Variants in SLC22A25 observed in about 807,000 individuals in gnomAD.
SLC22A25 encodes the protein MGI:2442751, MGI:2385316, MGI:3042283, MGI:3645714, MGI:3605624, MGI:2442750.
A neutral mutation model predicts 45.9 loss-of-function variants in SLC22A25; 44 were observed. The observed-to-expected ratio is 0.96, with a 90% CI of 0.75 to 1.23. The LOEUF (loss-of-function observed/expected upper bound fraction) is 1.23. Ranked by LOEUF, SLC22A25 falls within the 50% of genes most tolerant of loss-of-function variation. The pLI is 0.00. For synonymous variants in SLC22A25, 283 were observed against 238.6 expected (o/e 1.19, Z -1.72); for missense variants, 800 against 666.4 (o/e 1.20, Z -2.21).
intron 7 of SLC22A25, among the ~76,000 whole-genome samples, chr11:63,188,283 T>G (rs1424435282): frequency 7.2e-5 from 11 of 152,236 alleles, no homozygotes; most frequent in African/African-American, 2.7e-4. Context: ...GGAGGGTGGA[T>G]GTGTCCAGGA....
chr11:63,168,873 T>C (rs926547237), intron 9 of SLC22A25, among the ~76,000 whole-genome samples: 14 of 151,932 alleles, frequency 9.2e-5, no homozygotes, highest in African/African-American at 3.1e-4. Flanking sequence ...TGTCAGAGTC[T>C]TCAAGATTGA....
At chr11:63,180,867 A>G (rs1288904186) in intron 8 of SLC22A25, 92 bp from the exon 9 acceptor site, 6 of 803,860 alleles carry the variant, frequency 7.5e-6, no homozygotes, top group Non-Finnish European at 4.1e-6. Flanking sequence ...GACAAGATAG[A>G]TGACATCCCT....
At chr11:63,164,718 T>C (rs768522513) in intron 10 of SLC22A25, 84 bp from the exon 11 acceptor site, 26 of 1,091,034 alleles carry the variant, frequency 2.4e-5, no homozygotes, top group Middle Eastern at 5.5e-4. Context: ...AAAGGACTGC[T>C]TTGGAGGTGT....
At chr11:63,209,009 G>A (rs891121733) in intron 7 of SLC22A25, among the ~76,000 whole-genome samples, 7 of 152,122 alleles carry the variant, frequency 4.6e-5, no homozygotes, top group African/African-American at 1.7e-4. Context: ...GGATTTAGAG[G>A]TGATTATGGC....
chr11:63,212,039 T>C (rs2089580588), intron 7 of SLC22A25, among the ~76,000 whole-genome samples: 1 of 152,158 alleles, frequency 6.6e-6, no homozygotes, highest in Non-Finnish European at 1.5e-5. Flanking sequence ...AAAGAAGACA[T>C]TTATGCAGCC....
At position 63,188,261 on chromosome 11, in the gene SLC22A25, G is replaced by A. The variant is rs113584313; in HGVS notation, c.831-4444C>T. Among the ~76,000 whole-genome samples, 261 of 152,188 alleles carry A rather than the reference G, an allele frequency of 1.7e-3. 3 individuals are homozygous for A. The highest frequency in any genetic ancestry group is 5.4e-3 in the African/African-American group (225 of 41,526). ...CTATTCAGAGATTCAACTTCTTCCT[G>A]GTTTAGTCTTGGGAGGGTGGATGTG... On this transcript the variant is annotated intron_variant, in intron 7 of 11. Coordinates refer to ENST00000306494, the MANE Select transcript of SLC22A25 (RefSeq NM_199352.6).
intron 5 of SLC22A25, among the ~76,000 whole-genome samples, chr11:63,221,793 A>G (rs1450532846): frequency 6.6e-6 from 1 of 151,902 alleles, no homozygotes; most frequent in Non-Finnish European, 1.5e-5. Flanking sequence ...ATTCATTTTG[A>G]TTTAATTTTT....
intron 7 of SLC22A25, among the ~76,000 whole-genome samples, chr11:63,199,485 C>T (rs1345828174): frequency 6.6e-6 from 1 of 152,082 alleles, no homozygotes; most frequent in Non-Finnish European, 1.5e-5. Context: ...CTTAGAACTA[C>T]AGAAGAGACA....
In SLC22A25 at chr11:63,229,993, C is replaced by T. The variant is rs1040387328; in HGVS notation, c.-341G>A. On this transcript the variant is annotated 5_prime_UTR_variant, in exon 4 of 12. Coordinates refer to ENST00000306494, the MANE Select transcript of SLC22A25 (RefSeq NM_199352.6). ...AATAGCAGCATTGAACTTTGGTCTG[C>T]ACATTTTTTTGTAAACAAACTAAAA... 1.3e-5 allele frequency among the ~76,000 whole-genome samples: 2 copies of T among 152,202 alleles called. No individual in the cohort carries two copies. The highest frequency in any genetic ancestry group is 4.1e-4 in the South Asian group (2 of 4,830).
Position 63,217,426 on chromosome 11 carries a change from C to T in SLC22A25, c.718G>A (p.Ala240Thr). Residue 240 changes from alanine (A) to threonine (T), a missense_variant, in exon 7 of 12, where the codon GCT (alanine) becomes ACT (threonine). Transcript: ENST00000306494. ...AGGGTTATATGTCCAATACTAGCAGCACAAAGTGTCAATGTCAATGCCATG... is the reference window on the plus strand; with the variant it reads ...AGGGTTATATGTCCAATACTAGCAGTACAAAGTGTCAATGTCAATGCCATG... ...CAMALTLTLC[A>T]ASIGHITLGS... 1 of 1,614,042 alleles carries T rather than the reference C, an allele frequency of 6.2e-7. No homozygotes were observed. The highest frequency in any genetic ancestry group is 8.5e-7 in the Non-Finnish European group (1 of 1,180,000).
chr11:63,179,912 A>C (rs116376576), intron 9 of SLC22A25, among the ~76,000 whole-genome samples: 110 of 152,200 alleles, frequency 7.2e-4, no homozygotes, highest in Non-Finnish European at 1.2e-3. Context: ...CCAGTTCCTC[A>C]CACAGTGTGT....
In SLC22A25 at chr11:63,162,402, C is replaced by A. The variant is rs2087549286; in HGVS notation, c.*1422G>T. 6.6e-6 allele frequency among the ~76,000 whole-genome samples: 1 copy of A among 152,032 alleles called. No homozygotes were observed. The highest frequency in any genetic ancestry group is 1.5e-5 in the Non-Finnish European group (1 of 68,006). On this transcript the variant is annotated 3_prime_UTR_variant, in exon 12 of 12. Coordinates refer to ENST00000306494, the MANE Select transcript of SLC22A25 (RefSeq NM_199352.6). ...TTGTAGCAGTTTCATAGTTTGAGGT[C>A]TTAGATTCAAGTTTTTAATGCATTT...
chr11:63,213,465 G>A (rs1017655464), intron 7 of SLC22A25, among the ~76,000 whole-genome samples: 1 of 152,184 alleles, frequency 6.6e-6, no homozygotes, highest in Non-Finnish European at 1.5e-5. Flanking sequence ...ATGCCTCAGG[G>A]CATTGGTGGC....
At chr11:63,232,432 T>C (rs2090086749) in intron 3 of SLC22A25, among the ~76,000 whole-genome samples, 1 of 152,190 alleles carries the variant, frequency 6.6e-6, no homozygotes, top group Non-Finnish European at 1.5e-5. Flanking sequence ...CGGCTCTCTG[T>C]TTGTCTGCTA....
chr11:63,177,510 T>C lies in SLC22A25; in HGVS notation c.1070+3150A>G, dbSNP rs1230825094. ...TGAAAACTAGATCTTATTTTTTCTA[T>C]ATAACTGTATTTTTGTACCCATTAG... On this transcript the variant is annotated intron_variant, in intron 9 of 11. Transcript: ENST00000306494. Among the ~76,000 whole-genome samples, 7 of 151,956 alleles carry C rather than the reference T, an allele frequency of 4.6e-5. No individual in the cohort carries two copies. The South Asian group carries it at 1.4e-3, about 31-fold the overall frequency.
intron 5 of SLC22A25, among the ~76,000 whole-genome samples, chr11:63,221,029 T>G (rs771032232): frequency 3.3e-5 from 5 of 152,180 alleles, no homozygotes; most frequent in Admixed American, 2.0e-4. Context: ...TCATCTGTTG[T>G]GGACACTTAG....
chr11:63,164,672 A>T (rs1288033905), intron 10 of SLC22A25, 38 bp from the exon 11 acceptor site: 1 of 1,523,120 alleles, frequency 6.6e-7, no homozygotes, highest in Admixed American at 1.7e-5. Flanking sequence ...AGGAAATCTG[A>T]GCTGAAGGAA....
chr11:63,189,359 G>A (rs1008407726), intron 7 of SLC22A25, among the ~76,000 whole-genome samples: 6 of 152,090 alleles, frequency 3.9e-5, no homozygotes, highest in Admixed American at 1.3e-4. Context: ...CAGAGACTAG[G>A]ATTGCTACCC....
At chr11:63,164,115 C>T in intron 11 of SLC22A25, 42 bp from the exon 12 acceptor site, 2 of 1,531,030 alleles carry the variant, frequency 1.3e-6, no homozygotes, top group South Asian at 2.6e-5. Context: ...TGTTAAAAAT[C>T]ATACATATAA....
Sources: allele counts gnomAD v4.1 joint callset (sites outside exome capture counted in the v4.1 genomes callset), GRCh38; gene constraint gnomAD v4.1.1; transcripts MANE v1.5; gene names NCBI Gene and HGNC (gene_info 2026-07-23, HGNC 2026-07-21).